The following CCDC110 variants were observed in gnomAD, a reference collection of about 807,000 sequenced individuals.
CCDC110 encodes coiled-coil domain-containing protein 110.
In CCDC110, 70 loss-of-function variants were observed where a neutral mutation model predicts 77.1. That is an observed-to-expected ratio of 0.91 (90% confidence interval 0.75 to 1.11). CCDC110 has a LOEUF of 1.11. Among genes scored for constraint, CCDC110 ranks in the 50% least tolerant of loss-of-function variants. The probability of loss-of-function intolerance (pLI) is 0.00; values close to 1 mark genes in which losing one functional copy is unlikely to be tolerated. For missense variants in CCDC110, 868 were observed against 942.9 expected (o/e 0.92, Z 1.04); for synonymous variants, 295 against 312.5 (o/e 0.94, Z 0.59).
At chr4:185,455,655 A>G (rs1300548136) in intron 6 of CCDC110, among the ~76,000 whole-genome samples, 1 of 152,142 alleles carries the variant, frequency 6.6e-6, no homozygotes, top group African/African-American at 2.4e-5. Context: ...AGGCCGAGGC[A>G]GGTGGATCAC....
At chr4:185,471,614 C>T (rs756061636) in intron 1 of CCDC110, 60 bp downstream of exon 1, 3 of 1,535,858 alleles carry the variant, frequency 2.0e-6, no homozygotes, top group Admixed American at 1.9e-5. Context: ...TGCTGAATGC[C>T]CTTCTGCTGC....
At chr4:185,466,087 A>G (rs928175017) in intron 2 of CCDC110, among the ~76,000 whole-genome samples, 5 of 152,196 alleles carry the variant, frequency 3.3e-5, no homozygotes, top group East Asian at 1.9e-4. Context: ...ATCATTCAAC[A>G]TGGATGGGCC....
intron 4 of CCDC110, 78 bp downstream of exon 4, chr4:185,462,565 G>A: frequency 9.3e-7 from 1 of 1,079,038 alleles, no homozygotes; most frequent in African/African-American, 1.6e-5. Flanking sequence ...CTAATCCATT[G>A]GCTAGTGACC....
chr4:185,451,961 G>A (rs1431182160), intron 6 of CCDC110, among the ~76,000 whole-genome samples: 3 of 152,152 alleles, frequency 2.0e-5, no homozygotes, highest in East Asian at 3.8e-4. Context: ...TAAATGTATT[G>A]TGTCGGTTTA....
intron 4 of CCDC110, among the ~76,000 whole-genome samples, chr4:185,461,865 A>G (rs1182529075): frequency 6.6e-6 from 1 of 152,186 alleles, no homozygotes; most frequent in Non-Finnish European, 1.5e-5. Flanking sequence ...TGGGAGACTG[A>G]GGTGGGCAGA....
In CCDC110 at chr4:185,461,016, A is replaced by C. The variant is rs756821516; in HGVS notation, c.348+33T>G. ...ATGGTAGTCACGTTTTGAAGTACCT[A>C]CATATAGAAATGATTTCTGTAGAAT... On this transcript the variant is annotated intron_variant, in intron 5 of 6. Coordinates refer to ENST00000307588, the MANE Select transcript of CCDC110 (RefSeq NM_152775.4). The C allele has an allele frequency of 3.4e-6, 3 of 873,892 alleles. No homozygotes were observed. In the South Asian group the frequency reaches 5.1e-5, roughly 15 times the overall value. The allele number at this position is 873,892 out of a possible 1,614,324, so 54.1% of individuals were successfully genotyped here.
intron 2 of CCDC110, chr4:185,470,596 C>T: frequency 2.1e-6 from 1 of 467,844 alleles, no homozygotes; most frequent in South Asian, 1.6e-5. Flanking sequence ...TTCAGAGAAG[C>T]AACGGAGCGT....
At chr4:185,454,350 C>T (rs1239267094) in intron 6 of CCDC110, among the ~76,000 whole-genome samples, 1 of 152,162 alleles carries the variant, frequency 6.6e-6, no homozygotes, top group Non-Finnish European at 1.5e-5. Flanking sequence ...TATCCTCCCT[C>T]CCCCAATATT....
intron 2 of CCDC110, chr4:185,470,508 C>A (rs532416516): frequency 5.8e-6 from 2 of 346,590 alleles, no homozygotes; most frequent in East Asian, 1.5e-4. Context: ...TCCAAGGATG[C>A]GGAACTCCCA....
At position 185,459,891 on chromosome 4, in the gene CCDC110, A is replaced by G. The variant is rs779359701; in HGVS notation, c.696T>C (p.His232=). The G allele has an allele frequency of 6.8e-6, 11 of 1,613,836 alleles. No homozygotes were observed. Among genetic ancestry groups the G allele is most frequent in the Non-Finnish European group, 9.3e-6 (11 of 1,179,898 alleles). Residue 232 remains histidine (H), a synonymous_variant, in exon 6 of 7, where the codon CAT becomes CAC. Coordinates refer to ENST00000307588, the MANE Select transcript of CCDC110 (RefSeq NM_152775.4). ...TGTCATCTAAATTTTCACAAAATCC[A>G]TGCTTGAGAAAAGGCACAGTAATTT... ...KSKITVPFLK[H]GFCENLDDIC...
chr4:185,458,890 C>T lies in CCDC110; in HGVS notation c.1697G>A (p.Arg566Gln), dbSNP rs1176222863. 28 of 1,605,922 alleles carry T rather than the reference C, an allele frequency of 1.7e-5. No individual in the cohort carries two copies. Among genetic ancestry groups the T allele is most frequent in the African/African-American group, 2.7e-5 (2 of 74,514 alleles). The change falls in exon 6 of 7, where the codon CGA becomes CAA. Residue 566 changes from arginine (R) to glutamine (Q), a missense_variant. Coordinates refer to ENST00000307588, the MANE Select transcript of CCDC110 (RefSeq NM_152775.4). ...DMAIVNNENN[R>Q]MSIEMEAMKT... ...CATTGCTTCCATTTCTATACTCATT[C>T]GATTATTTTCATTATTTACAATGGC...
chr4:185,470,644 G>A (rs1039247826), intron 2 of CCDC110: 5 of 519,234 alleles, frequency 9.6e-6, no homozygotes, highest in African/African-American at 3.8e-5. Flanking sequence ...GAGCCGCCCT[G>A]CTGAATGCCC....
At chr4:185,448,128 C>A (rs890865764) in intron 6 of CCDC110, among the ~76,000 whole-genome samples, 1 of 152,110 alleles carries the variant, frequency 6.6e-6, no homozygotes, top group Admixed American at 6.5e-5. Context: ...TCAAGCAACT[C>A]TCCTGTCTCA....
intron 2 of CCDC110, among the ~76,000 whole-genome samples, chr4:185,469,821 G>GA (rs2095662690): frequency 6.6e-6 from 1 of 152,212 alleles, no homozygotes; most frequent in South Asian, 2.1e-4. Context: ...TTTTTGTGAA[G>GA]ATCTTGCATG....
rs769258354 is a variant in CCDC110 at position 185,460,101 on chromosome 4, G to A, written c.486C>T (p.Ser162=). The A allele has an allele frequency of 6.2e-7, 1 of 1,613,562 alleles. No homozygotes were observed. Among genetic ancestry groups the A allele is most frequent in the Non-Finnish European group, 8.5e-7 (1 of 1,179,912 alleles). Residue 162 remains serine, a synonymous_variant, in exon 6 of 7, where the codon TCC becomes TCT. Coordinates refer to ENST00000307588, the MANE Select transcript of CCDC110 (RefSeq NM_152775.4). The part of the protein sequence containing the change: ...NSLPQSVNVP[S]QIHSEDTLTL... ...TTAATGTGTCCTCGGAATGTATCTGGGATGGAACATTTACACTTTGAGGGA... is the reference window on the plus strand; with the variant it reads ...TTAATGTGTCCTCGGAATGTATCTGAGATGGAACATTTACACTTTGAGGGA...
At chr4:185,463,292 C>A (rs2095649739) in intron 2 of CCDC110, among the ~76,000 whole-genome samples, 1 of 152,168 alleles carries the variant, frequency 6.6e-6, no homozygotes, top group East Asian at 1.9e-4. Flanking sequence ...CAACACCACA[C>A]TTAGAACTCT....
At position 185,458,713 on chromosome 4, in the gene CCDC110, G is replaced by C; in HGVS notation, c.1874C>G (p.Thr625Arg). 6.2e-7 allele frequency: 1 copy of C among 1,603,704 alleles called. No homozygotes were observed. Among genetic ancestry groups the C allele is most frequent in the Non-Finnish European group, 8.5e-7 (1 of 1,177,576 alleles). ...QLKEKERLAKTEQETLLQIIE... is the reference protein window; with the variant it reads ...QLKEKERLAKREQETLLQIIE... The stretch of plus-strand genomic sequence containing the variant: ...TATTTGAAGAAGTGTCTCTTGTTCC[G>C]TTTTTGCCAATCTTTCTTTCTCTTT... The change falls in exon 6 of 7, where the codon ACG (threonine) becomes AGG (arginine). Residue 625 changes from threonine (T) to arginine (R), a missense_variant. Physicochemically the swap from Thr to Arg is moderately conservative, Grantham distance 71. Coordinates refer to ENST00000307588, the MANE Select transcript of CCDC110 (RefSeq NM_152775.4).
At chr4:185,467,631 A>G (rs1465630449) in intron 2 of CCDC110, among the ~76,000 whole-genome samples, 1 of 152,232 alleles carries the variant, frequency 6.6e-6, no homozygotes, top group Non-Finnish European at 1.5e-5. Context: ...CAAAAGTGAA[A>G]AACAAGGTAG....
chr4:185,448,196 T>C (rs565273681), intron 6 of CCDC110, among the ~76,000 whole-genome samples: 45 of 152,178 alleles, frequency 3.0e-4, no homozygotes, highest in African/African-American at 9.9e-4. Context: ...AATTTTTGTA[T>C]TTTTAGTAGA....
Sources: allele counts gnomAD v4.1 joint callset (sites outside exome capture counted in the v4.1 genomes callset), GRCh38; gene constraint gnomAD v4.1.1; transcripts MANE v1.5; gene names NCBI Gene and HGNC (gene_info 2026-07-23, HGNC 2026-07-21).